Variants in USP13 observed in about 807,000 individuals in gnomAD.
USP13 encodes the protein ubiquitin carboxyl-terminal hydrolase 13.
A neutral mutation model predicts 107.8 loss-of-function variants in USP13; 68 were observed. The observed-to-expected ratio is 0.63, with a 90% CI of 0.52 to 0.77. The LOEUF is 0.77. Among genes scored for constraint, USP13 ranks in the 30% least tolerant of loss-of-function variants. The pLI, the probability that USP13 is intolerant of heterozygous loss-of-function variation, is 0.00. For synonymous variants in USP13, 377 were observed against 389.5 expected (o/e 0.97, Z 0.38); for missense variants, 945 against 1,093.3 (o/e 0.86, Z 1.91).
chr3:179,667,790 G>A, intron 1 of USP13, among the ~76,000 whole-genome samples: 1 of 152,106 alleles, frequency 6.6e-6, no homozygotes, highest in East Asian at 1.9e-4. Context: ...GGGATTAACA[G>A]GCATGCGTCA....
chr3:179,731,035 C>T (rs185991311), intron 10 of USP13, among the ~76,000 whole-genome samples: 1 of 152,310 alleles, frequency 6.6e-6, no homozygotes, highest in Admixed American at 6.5e-5. Context: ...TTTGGTAACA[C>T]AGTCTCGGCA....
chr3:179,700,077 G>A (rs1712462993), intron 3 of USP13, among the ~76,000 whole-genome samples: 1 of 152,056 alleles, frequency 6.6e-6, no homozygotes, highest in Non-Finnish European at 1.5e-5. Context: ...TGGGATGCTG[G>A]CATCCCTGTG....
Position 179,781,742 on chromosome 3 carries a change from A to G in USP13, c.2417A>G (p.Tyr806Cys). 1 of 1,613,866 alleles carries G rather than the reference A, an allele frequency of 6.2e-7. No individual in the cohort carries two copies. The highest frequency in any genetic ancestry group is 8.5e-7 in the Non-Finnish European group (1 of 1,179,814). Residue 806 changes from tyrosine to cysteine, a missense_variant, in exon 20 of 21, where the codon TAT (tyrosine) becomes TGT (cysteine). By Grantham distance (194) the Tyr-to-Cys change is radical. Coordinates refer to ENST00000263966, the MANE Select transcript of USP13 (RefSeq NM_003940.3). ...TGAGTTGTTTCCTCTTTCACAGCATATGAGCTATTTGCATTCATCAGTCAC... is the reference window on the plus strand; with the variant it reads ...TGAGTTGTTTCCTCTTTCACAGCATGTGAGCTATTTGCATTCATCAGTCAC... The part of the protein sequence containing the change: ...GPRVKDGSGT[Y>C]ELFAFISHMG...
intron 13 of USP13, among the ~76,000 whole-genome samples, chr3:179,748,245 TG>T (rs879587124): frequency 1.3e-5 from 2 of 152,250 alleles, no homozygotes; most frequent in African/African-American, 2.4e-5. Context: ...TCTAAATGCC[TG>T]CTATCAAGCA....
chr3:179,784,242 T>A lies in USP13; in HGVS notation c.*101T>A. The A allele has an allele frequency of 1.1e-5, 9 of 818,134 alleles. No homozygotes were observed. The highest frequency in any genetic ancestry group is 1.7e-5 in the African/African-American group (1 of 57,860). 50.7% of individuals were successfully genotyped at this position (818,134 alleles called of 1,614,324 possible). The stretch of plus-strand genomic sequence containing the variant: ...GTTGAAACAACTAGACATGAAGGAA[T>A]ATATGGGGTATTTATCGTTTATTTA... On this transcript the variant is annotated 3_prime_UTR_variant, in exon 21 of 21. Transcript: ENST00000263966.
intron 1 of USP13, among the ~76,000 whole-genome samples, chr3:179,657,138 T>G (rs1720289350): frequency 6.6e-6 from 1 of 152,204 alleles, no homozygotes; most frequent in African/African-American, 2.4e-5. Context: ...TAACAACCTA[T>G]CTCAAAAGGT....
At position 179,742,138 on chromosome 3, in the gene USP13, C is replaced by G. The variant is rs1392295237; in HGVS notation, c.1381-59C>G. The stretch of plus-strand genomic sequence containing the variant: ...CACCGGGTTTAGAGTTCATTTTCTA[C>G]TAAGTCTTAGTGGCTCAATATTCAT... On this transcript the variant is annotated intron_variant, in intron 11 of 20. Coordinates refer to ENST00000263966, the MANE Select transcript of USP13 (RefSeq NM_003940.3). The surrounding 1 kb of genome is among the most constrained non-coding windows in gnomAD (Gnocchi z 5.0). The G allele has an allele frequency of 1.2e-6, 2 of 1,601,632 alleles. No homozygotes were observed. Among genetic ancestry groups the G allele is most frequent in the African/African-American group, 2.7e-5 (2 of 74,662 alleles).
chr3:179,770,745 C>T (rs1428361812), intron 19 of USP13, among the ~76,000 whole-genome samples: 1 of 152,118 alleles, frequency 6.6e-6, no homozygotes, highest in African/African-American at 2.4e-5. Context: ...GCTAGGATTA[C>T]AGGCACGCGC....
chr3:179,778,237 A>C (rs115567359), intron 19 of USP13, among the ~76,000 whole-genome samples: 5,024 of 152,300 alleles, frequency 0.033, 118 homozygotes, highest in Middle Eastern at 0.085. Context: ...TTACAAAAAT[A>C]TATACACTAT....
rs35377039 is a variant in USP13, at chr3:179,657,762, CAA to C, written c.168+4392_168+4393del. Among the ~76,000 whole-genome samples, 95 of 73,848 alleles carry C rather than the reference CAA, an allele frequency of 1.3e-3. 1 individual carries two copies. The highest frequency in any genetic ancestry group is 4.4e-3 in the African/African-American group (85 of 19,362). 48.4% of individuals were successfully genotyped at this position (73,848 alleles called of 152,430 possible). On this transcript the variant is annotated intron_variant, in intron 1 of 20. Coordinates refer to ENST00000263966, the MANE Select transcript of USP13 (RefSeq NM_003940.3). ...CTGGTGACAGAGGGGAATTCCGTCTCAAAAAAAAAAAAAAAAAAAAAAAAGAA... is the reference window on the plus strand; with the variant it reads ...CTGGTGACAGAGGGGAATTCCGTCTCAAAAAAAAAAAAAAAAAAAAAAGAA...
At chr3:179,766,093 C>T (rs1052667444) in intron 19 of USP13, among the ~76,000 whole-genome samples, 8 of 152,174 alleles carry the variant, frequency 5.3e-5, no homozygotes, top group African/African-American at 1.4e-4. Context: ...CATTCTCCTG[C>T]TTCAGCCTCC....
Position 179,653,691 on chromosome 3 carries a change from C to A in USP13, c.168+298C>A. On this transcript the variant is annotated intron_variant, in intron 1 of 20. Transcript: ENST00000263966. This position sits in a 1 kb window ranked among gnomAD's most constrained non-coding sequence, Gnocchi z 4.0. ...AAGATAGATGAAATACAAGAGTTCC[C>A]TGTTCCGAACTGCACGTTGCAGATC... 1 of 361,614 alleles carries A rather than the reference C, an allele frequency of 2.8e-6. No individual in the cohort carries two copies. The highest frequency in any genetic ancestry group is 5.1e-6 in the Non-Finnish European group (1 of 196,714). 22.4% of individuals were successfully genotyped at this position (361,614 alleles called of 1,614,324 possible).
At chr3:179,740,919 A>G (rs1714173037) in intron 11 of USP13, among the ~76,000 whole-genome samples, 2 of 151,784 alleles carry the variant, frequency 1.3e-5, no homozygotes. Context: ...GGAGCCTGCC[A>G]CCACGCCCGG....
At position 179,678,042 on chromosome 3, in the gene USP13, G is replaced by T. The variant is rs540728889; in HGVS notation, c.169-3836G>T. On this transcript the variant is annotated intron_variant, in intron 1 of 20. Transcript: ENST00000263966. The surrounding 1 kb of genome is among the most constrained non-coding windows in gnomAD (Gnocchi z 4.2). The stretch of plus-strand genomic sequence containing the variant: ...TCGTGGGAATTATTGCTACGGCCAT[G>T]TTTATAGAGGAGAACACTGGAGCTC... Among the ~76,000 whole-genome samples, 175 of 152,272 alleles carry T rather than the reference G, an allele frequency of 1.1e-3. 2 individuals carry two copies. The highest frequency in any genetic ancestry group is 4.0e-3 in the African/African-American group (167 of 41,566).
intron 1 of USP13, among the ~76,000 whole-genome samples, chr3:179,667,564 T>C (rs1312269090): frequency 6.6e-6 from 1 of 152,224 alleles, no homozygotes; most frequent in Non-Finnish European, 1.5e-5. Flanking sequence ...GAAACTGTTG[T>C]AGTAGCTGGA....
intron 1 of USP13, among the ~76,000 whole-genome samples, chr3:179,664,753 T>A (rs539366931): frequency 6.6e-6 from 1 of 152,182 alleles, no homozygotes; most frequent in Non-Finnish European, 1.5e-5. Flanking sequence ...GACAGAGATG[T>A]TGCTTGAGGT....
At chr3:179,654,898 G>A (rs1720206139) in intron 1 of USP13, among the ~76,000 whole-genome samples, 4 of 152,040 alleles carry the variant, frequency 2.6e-5, no homozygotes. Flanking sequence ...CATATCATTT[G>A]AGGGATGAAA....
chr3:179,685,337 G>A (rs1420431820), intron 2 of USP13, among the ~76,000 whole-genome samples: 1 of 151,844 alleles, frequency 6.6e-6, no homozygotes, highest in African/African-American at 2.4e-5. Context: ...GTTTGTGCAC[G>A]ATTTTGGATC....
chr3:179,718,315 AG>A (rs1713179381), intron 6 of USP13, among the ~76,000 whole-genome samples: 1 of 146,150 alleles, frequency 6.8e-6, no homozygotes, highest in African/African-American at 2.5e-5. Flanking sequence ...TTTTGGAGAC[AG>A]GGTCCTGCTC....
Sources: allele counts gnomAD v4.1 joint callset (sites outside exome capture counted in the v4.1 genomes callset), GRCh38; gene constraint gnomAD v4.1.1; non-coding constraint Gnocchi (gnomAD v3.1); transcripts MANE v1.5; gene names NCBI Gene and HGNC (gene_info 2026-07-23, HGNC 2026-07-21).